FBLN2: variants seen among roughly 807,000 people sequenced by gnomAD.
FBLN2 encodes fibulin 2.
In FBLN2, 81 loss-of-function variants were observed where a neutral mutation model predicts 123.7. The ratio of observed to expected loss-of-function variants is 0.65; its 90% CI spans 0.55 to 0.79. FBLN2 has a LOEUF of 0.79. Ranked by LOEUF, FBLN2 falls within the 30% of genes least tolerant of loss-of-function variation. FBLN2 has a pLI of 0.00. For synonymous variants in FBLN2, 699 were observed against 701.4 expected (o/e 1.00, Z 0.05); for missense variants, 1,603 against 1,681.3 (o/e 0.95, Z 0.81).
Position 13,629,350 on chromosome 3 carries a change from G to C in FBLN2, c.2842+58G>C. Reference sequence around the variant, plus strand: ...ACACCTGGCTGGTCCCCTGCCCTCTGTGCACTCCACCTCCCCATGCCCAGC... The same window carrying C: ...ACACCTGGCTGGTCCCCTGCCCTCTCTGCACTCCACCTCCCCATGCCCAGC... On this transcript the variant is annotated intron_variant, in intron 13 of 17. Transcript: ENST00000404922. 2.0e-6 allele frequency: 3 copies of C among 1,526,240 alleles called. No homozygotes were observed. In the South Asian group the frequency reaches 3.8e-5, roughly 19 times the overall value. 94.5% of individuals were successfully genotyped at this position (1,526,240 alleles called of 1,614,324 possible).
At chr3:13,634,610 A>C (rs955758761) in intron 16 of FBLN2, among the ~76,000 whole-genome samples, 1 of 152,244 alleles carries the variant, frequency 6.6e-6, no homozygotes, top group African/African-American at 2.4e-5. Context: ...AATAATCAGC[A>C]GCCTGGGACC....
rs1241326036 is a variant in FBLN2 at position 13,571,180 on chromosome 3, G to A, written c.825G>A (p.Glu275=). 6 of 1,566,328 alleles carry A rather than the reference G, an allele frequency of 3.8e-6. No homozygotes were observed. Among genetic ancestry groups the A allele is most frequent in the Non-Finnish European group, 5.2e-6 (6 of 1,156,222 alleles). ...PVQAKARRVT[E]DSEEEEEEEE... is the part of the protein sequence containing the mutation. ...AGGCCAAAGCTAGGAGAGTGACCGA[G>A]GACAGTGAGGAGGAAGAAGAGGAGG... is the stretch of plus-strand genomic sequence containing the variant. The change falls in exon 2 of 18, where the codon GAG becomes GAA. Residue 275 remains glutamate, a synonymous_variant. Transcript: ENST00000404922.
intron 2 of FBLN2, among the ~76,000 whole-genome samples, chr3:13,580,736 T>A (rs1203202665): frequency 6.6e-6 from 1 of 152,224 alleles, no homozygotes; most frequent in Non-Finnish European, 1.5e-5. Flanking sequence ...AATGTTAGTC[T>A]TTCCTCCTTG....
rs1028157 is a variant in FBLN2 at position 13,575,549 on chromosome 3, T to A, written c.1306+3888T>A. Among the ~76,000 whole-genome samples the A allele has an allele frequency of 1.1e-4, 16 of 152,064 alleles. No individual in the cohort carries two copies. The South Asian group carries it at 1.2e-3, about 12-fold the overall frequency. ...CAGTTGGGGGCCTAACAGCCAGCAG[T>A]CCTCATCAAAGCCCACACCTAAAAA... On this transcript the variant is annotated intron_variant, in intron 2 of 17. Coordinates refer to ENST00000404922, the MANE Select transcript of FBLN2 (RefSeq NM_001004019.2).
rs1044002752 is a variant in FBLN2 at position 13,626,504 on chromosome 3, A to T, written c.2356A>T (p.Thr786Ser). 1 of 1,570,168 alleles carries T rather than the reference A, an allele frequency of 6.4e-7. No individual in the cohort carries two copies. The highest frequency in any genetic ancestry group is 1.9e-5 in the Admixed American group (1 of 53,878). ...TCSRGEHCVNTLGSFHCYKAL... is the reference protein window; with the variant it reads ...TCSRGEHCVNSLGSFHCYKAL... ...CAGCCGGGGCGAGCACTGTGTGAAC[A>T]CACTGGGCTCCTTCCACTGCTACAA... is the stretch of plus-strand genomic sequence containing the variant. The change falls in exon 10 of 18, where the codon ACA becomes TCA. Residue 786 changes from threonine to serine, a missense_variant. Transcript: ENST00000404922.
chr3:13,571,726 G>A (rs1043983420), intron 2 of FBLN2, 65 bp downstream of exon 2: 99 of 1,458,436 alleles, frequency 6.8e-5, no homozygotes, highest in East Asian at 5.0e-4. Context: ...GGCTCTGGCC[G>A]CTGCCCCAGG....
chr3:13,564,068 A>G (rs2125037713), intron 1 of FBLN2, among the ~76,000 whole-genome samples: 1 of 152,346 alleles, frequency 6.6e-6, no homozygotes, highest in Non-Finnish European at 1.5e-5. Context: ...GTGTCCTGAC[A>G]TTAAATGTTA....
At chr3:13,579,501 C>A (rs891898500) in intron 2 of FBLN2, among the ~76,000 whole-genome samples, 1 of 152,240 alleles carries the variant, frequency 6.6e-6, no homozygotes, top group Non-Finnish European at 1.5e-5. Flanking sequence ...AGTGCAACTA[C>A]AAGCATGTAG....
intron 2 of FBLN2, among the ~76,000 whole-genome samples, chr3:13,578,134 G>C (rs1359792333): frequency 6.6e-6 from 1 of 152,252 alleles, no homozygotes; most frequent in Admixed American, 6.5e-5. Context: ...GGCTAGGCCT[G>C]CGGTGGGTTT....
intron 3 of FBLN2, among the ~76,000 whole-genome samples, chr3:13,608,481 T>G (rs889109062): frequency 2.0e-5 from 3 of 152,218 alleles, no homozygotes; most frequent in Non-Finnish European, 4.4e-5. Context: ...AATAGTCGGG[T>G]GCTCCCCTCA....
At chr3:13,566,760 A>C (rs1321695811) in intron 1 of FBLN2, among the ~76,000 whole-genome samples, 1 of 152,228 alleles carries the variant, frequency 6.6e-6, no homozygotes, top group African/African-American at 2.4e-5. Flanking sequence ...CTGTGGCTTG[A>C]AACAGGAGTT....
chr3:13,634,163 G>A (rs1469693940), intron 16 of FBLN2, among the ~76,000 whole-genome samples: 1 of 152,186 alleles, frequency 6.6e-6, no homozygotes, highest in South Asian at 2.1e-4. Context: ...CCTCTCTTCC[G>A]GGGCTGAATT....
At chr3:13,610,320 AGGT>A (rs1353065058) in intron 4 of FBLN2, among the ~76,000 whole-genome samples, 1 of 152,072 alleles carries the variant, frequency 6.6e-6, no homozygotes, top group Non-Finnish European at 1.5e-5. Context: ...ACTGTGGGTG[AGGT>A]GGACCCCATG....
At chr3:13,617,598 TCC>T (rs1705669284) in intron 5 of FBLN2, among the ~76,000 whole-genome samples, 1 of 138,630 alleles carries the variant, frequency 7.2e-6, no homozygotes, top group Non-Finnish European at 1.6e-5. Context: ...CATCCATCCA[TCC>T]ATCCATCCAT....
At position 13,631,399 on chromosome 3, in the gene FBLN2, C is replaced by T. The variant is rs1451153529; in HGVS notation, c.3156C>T (p.Tyr1052=). Reference sequence around the variant, plus strand: ...GCTGTCTCAACGTGCCAGGGAGCTACCAGTGTGCATGCCCTGAGCAGGGCT... The same window carrying T: ...GCTGTCTCAACGTGCCAGGGAGCTATCAGTGTGCATGCCCTGAGCAGGGCT... ...TFRCLNVPGS[Y]QCACPEQGYT... The change falls in exon 16 of 18, where the codon TAC becomes TAT. Residue 1052 remains tyrosine, a synonymous_variant. Transcript: ENST00000404922. The T allele has an allele frequency of 1.7e-5, 27 of 1,601,830 alleles. No individual in the cohort carries two copies. The highest frequency in any genetic ancestry group is 2.3e-5 in the Non-Finnish European group (27 of 1,174,582).
chr3:13,582,774 C>G (rs1383811578), intron 2 of FBLN2, among the ~76,000 whole-genome samples: 1 of 152,222 alleles, frequency 6.6e-6, no homozygotes, highest in South Asian at 2.1e-4. Flanking sequence ...GAGTGCTGCT[C>G]CGGGCCACGG....
In FBLN2 at chr3:13,570,415, G is replaced by A. The variant is rs1703894605; in HGVS notation, c.60G>A (p.Leu20=). 1 of 1,576,652 alleles carries A rather than the reference G, an allele frequency of 6.3e-7. No individual in the cohort carries two copies. Among genetic ancestry groups the A allele is most frequent in the East Asian group, 2.3e-5 (1 of 43,102 alleles). Residue 20 remains leucine, a synonymous_variant, in exon 2 of 18, where the codon CTG becomes CTA. Transcript: ENST00000404922. ...AWLALGLALA[L]GPSVAAAAPR... Reference sequence around the variant, plus strand: ...TTGCTCTGGGCCTGGCCCTGGCCCTGGGCCCCAGCGTGGCCGCAGCTGCCC... The same window carrying A: ...TTGCTCTGGGCCTGGCCCTGGCCCTAGGCCCCAGCGTGGCCGCAGCTGCCC...
intron 2 of FBLN2, among the ~76,000 whole-genome samples, chr3:13,598,467 T>C (rs1004506721): frequency 1.3e-5 from 2 of 152,232 alleles, no homozygotes; most frequent in African/African-American, 4.8e-5. Context: ...TAGCATCTGC[T>C]ACATAGAAGT....
intron 2 of FBLN2, among the ~76,000 whole-genome samples, chr3:13,590,514 C>T (rs1173628291): frequency 7.3e-5 from 11 of 151,576 alleles, no homozygotes; most frequent in South Asian, 4.2e-4. Context: ...TTAGTAGAGA[C>T]GGGGTTTTAC....
Sources: allele counts gnomAD v4.1 joint callset (sites outside exome capture counted in the v4.1 genomes callset), GRCh38; gene constraint gnomAD v4.1.1; transcripts MANE v1.5; gene names NCBI Gene and HGNC (gene_info 2026-07-23, HGNC 2026-07-21).